C20orf203: variants seen among roughly 807,000 people sequenced by gnomAD.
The protein encoded by C20orf203 is uncharacterized protein C20orf203.
A neutral mutation model predicts 15.9 loss-of-function variants in C20orf203; 16 were observed. That is an observed-to-expected ratio of 1.01 (90% CI 0.68 to 1.53). The LOEUF (loss-of-function observed/expected upper bound fraction) is 1.53, where lower values mean the gene tolerates loss of function less well. C20orf203 is among the 40% of genes most tolerant of loss of function. C20orf203 has a pLI of 0.00. For missense variants in C20orf203, 263 were observed against 247.5 expected, an observed-to-expected ratio of 1.06 and a Z score of -0.42; for synonymous variants, 98 against 97.2, an observed-to-expected ratio of 1.01 and a Z score of -0.05.
chr20:32,648,794 C>G (rs184894823), intron 4 of C20orf203, among the ~76,000 whole-genome samples: 17 of 152,190 alleles, frequency 1.1e-4, no homozygotes, highest in Admixed American at 2.6e-4. Flanking sequence ...TATTTTGCAA[C>G]AGAAAAATTG....
intron 4 of C20orf203, among the ~76,000 whole-genome samples, chr20:32,644,431 G>C (rs1358182977): frequency 2.0e-5 from 3 of 152,128 alleles, no homozygotes; most frequent in East Asian, 3.8e-4. Context: ...CTGGGCGACA[G>C]AGCGAGACTC....
intron 5 of C20orf203, among the ~76,000 whole-genome samples, chr20:32,634,518 A>C (rs1423951655): frequency 6.6e-6 from 1 of 152,200 alleles, no homozygotes; most frequent in African/African-American, 2.4e-5. Flanking sequence ...GAAATTTATC[A>C]GAAAAAAACA....
At chr20:32,652,322 CAA>C (rs11483593) in intron 1 of C20orf203, among the ~76,000 whole-genome samples, 810 of 18,078 alleles carry the variant, frequency 0.045, 4 homozygotes, top group African/African-American at 0.13. Flanking sequence ...GACTCCATCT[CAA>C]AAAAAAAAAA....
At chr20:32,659,923 A>T (rs1568753528) in intron 1 of C20orf203, among the ~76,000 whole-genome samples, 1 of 152,106 alleles carries the variant, frequency 6.6e-6, no homozygotes, top group Non-Finnish European at 1.5e-5. Flanking sequence ...TATTATATTA[A>T]CATCATCATC....
At chr20:32,638,867 C>T (rs1390842498) in intron 5 of C20orf203, among the ~76,000 whole-genome samples, 4 of 152,180 alleles carry the variant, frequency 2.6e-5, no homozygotes, top group African/African-American at 9.6e-5. Flanking sequence ...CTCCTGCGCT[C>T]CCGGCAATGT....
chr20:32,634,073 G>T lies in C20orf203; in HGVS notation c.*1497C>A. ...ACCCCGGTGTTGGGAATTCCGAGATGAATCCAGCCTGAGCTTTGTCCTTGG... is the reference window on the plus strand; with the variant it reads ...ACCCCGGTGTTGGGAATTCCGAGATTAATCCAGCCTGAGCTTTGTCCTTGG... On this transcript the variant is annotated 3_prime_UTR_variant, in exon 6 of 6. Transcript: ENST00000608990. The T allele has an allele frequency of 2.5e-6, 1 of 398,656 alleles. No homozygotes were observed. Among genetic ancestry groups the T allele is most frequent in the Middle Eastern group, 6.3e-4 (1 of 1,588 alleles). 24.7% of individuals were successfully genotyped at this position (398,656 alleles called of 1,614,324 possible). A position where few individuals can be genotyped will look rare whatever the true frequency, so the allele number is the denominator to read the frequency against.
At chr20:32,658,880 C>CT (rs531584572) in intron 1 of C20orf203, among the ~76,000 whole-genome samples, 121 of 142,572 alleles carry the variant, frequency 8.5e-4, no homozygotes, top group Middle Eastern at 3.7e-3. Context: ...ACCCACTTCT[C>CT]TTTTTTTTTT....
chr20:32,660,907 G>A (rs535449314), intron 1 of C20orf203, among the ~76,000 whole-genome samples: 24 of 152,114 alleles, frequency 1.6e-4, no homozygotes, highest in Non-Finnish European at 3.1e-4. Flanking sequence ...ATCAGATCTC[G>A]TGAGAATGAA....
intron 1 of C20orf203, among the ~76,000 whole-genome samples, chr20:32,654,518 G>A (rs1310155018): frequency 6.6e-6 from 1 of 152,084 alleles, no homozygotes; most frequent in Non-Finnish European, 1.5e-5. Flanking sequence ...GAAATTTAAG[G>A]GACTCAGAAA....
intron 1 of C20orf203, among the ~76,000 whole-genome samples, chr20:32,652,626 G>A (rs948185594): frequency 4.0e-5 from 6 of 151,640 alleles, no homozygotes; most frequent in African/African-American, 1.2e-4. Context: ...TAGGAGTCCC[G>A]GATGCTGTGG....
intron 1 of C20orf203, among the ~76,000 whole-genome samples, chr20:32,658,669 C>G (rs981187977): frequency 4.6e-5 from 7 of 152,120 alleles, no homozygotes; most frequent in Non-Finnish European, 7.4e-5. Context: ...CTTCTACAGA[C>G]AGAAAAAACA....
chr20:32,671,463 T>G (rs1403325878), intron 1 of C20orf203, among the ~76,000 whole-genome samples: 2 of 151,408 alleles, frequency 1.3e-5, no homozygotes, highest in Non-Finnish European at 2.9e-5. Flanking sequence ...TCCATTTATA[T>G]GAGGAATCCA....
At chr20:32,645,742 C>A (rs1982407287) in intron 4 of C20orf203, among the ~76,000 whole-genome samples, 1 of 152,238 alleles carries the variant, frequency 6.6e-6, no homozygotes, top group African/African-American at 2.4e-5. Flanking sequence ...TTTCCTTCAT[C>A]CCTGGCAGCA....
intron 1 of C20orf203, among the ~76,000 whole-genome samples, chr20:32,673,204 C>A (rs1034049490): frequency 6.6e-6 from 1 of 152,126 alleles, no homozygotes; most frequent in African/African-American, 2.4e-5. Context: ...CTGGTACAAA[C>A]GGCAGGAAGA....
intron 1 of C20orf203, among the ~76,000 whole-genome samples, chr20:32,656,282 C>T (rs750234402): frequency 5.3e-5 from 8 of 152,154 alleles, no homozygotes; most frequent in Non-Finnish European, 1.2e-4. Context: ...CCAATAAGCA[C>T]ATGAAAAGAT....
chr20:32,648,697 C>T (rs1343925111), intron 4 of C20orf203, among the ~76,000 whole-genome samples: 1 of 151,704 alleles, frequency 6.6e-6, no homozygotes, highest in Non-Finnish European at 1.5e-5. Context: ...CGTGATCCGC[C>T]TGCCTCGGCC....
In C20orf203 at chr20:32,651,060, G is replaced by C; in HGVS notation, c.93C>G (p.Arg31=). ...TTTTTGTAAAGGGAAAACTGGCCAG[G>C]CGAGGTGGCCACTGCCTGTGATCCA... ...NMLDHRQWPP[R]LASFPFTKTG... The change falls in exon 3 of 6, where the codon CGC becomes CGG. Residue 31 remains arginine, a synonymous_variant. Transcript: ENST00000608990. 6.5e-7 allele frequency: 1 copy of C among 1,527,462 alleles called. No homozygotes were observed. The highest frequency in any genetic ancestry group is 8.8e-7 in the Non-Finnish European group (1 of 1,135,228). The allele number at this position is 1,527,462 out of a possible 1,614,324, so 94.6% of individuals were successfully genotyped here. A position where few individuals can be genotyped will look rare whatever the true frequency, so the allele number is the denominator to read the frequency against.
intron 1 of C20orf203, among the ~76,000 whole-genome samples, chr20:32,654,712 C>T (rs1982714336): frequency 6.6e-6 from 1 of 152,042 alleles, no homozygotes; most frequent in Non-Finnish European, 1.5e-5. Context: ...GGTGTGGTGG[C>T]ATGTGCCTGT....
At chr20:32,648,420 GA>G (rs1982495906) in intron 4 of C20orf203, among the ~76,000 whole-genome samples, 1 of 137,956 alleles carries the variant, frequency 7.2e-6, no homozygotes, top group Admixed American at 7.7e-5. Flanking sequence ...ACCATTGCCT[GA>G]AACTGTCTTT....
Sources: gnomAD v4.1 joint callset for allele counts (sites outside exome capture counted in the v4.1 genomes callset) on GRCh38, gnomAD v4.1.1 for gene constraint, MANE v1.5 for transcripts, NCBI Gene and HGNC (gene_info 2026-07-23, HGNC 2026-07-21) for gene names.